ZNF385D: variants seen among roughly 807,000 people sequenced by gnomAD.
ZNF385D encodes zinc finger protein 659.
ZNF385D carries 15 observed loss-of-function variants against 35.8 expected under a neutral mutation model. The ratio of observed to expected loss-of-function variants is 0.42; its 90% CI spans 0.28 to 0.64. The LOEUF is 0.64. Ranked by LOEUF, ZNF385D falls within the 30% of genes least tolerant of loss-of-function variation. The probability of loss-of-function intolerance (pLI) is 0.23; values close to 1 mark genes in which losing one functional copy is unlikely to be tolerated. For missense variants in ZNF385D, 474 were observed against 494.6 expected (o/e 0.96, Z 0.39); for synonymous variants, 212 against 186.8 (o/e 1.13, Z -1.10).
chr3:21,779,809 G>T (rs2071422588), intron 3 of ZNF385D, among the ~76,000 whole-genome samples: 2 of 151,742 alleles, frequency 1.3e-5, no homozygotes, highest in Non-Finnish European at 2.9e-5. Context: ...GCTGAGTATG[G>T]CTTTAGATTT....
chr3:21,895,167 G>A (rs939265955), intron 3 of ZNF385D, among the ~76,000 whole-genome samples: 2 of 151,800 alleles, frequency 1.3e-5, no homozygotes, highest in African/African-American at 4.8e-5. Context: ...GGAAAATGAG[G>A]TATTTCTATT....
intron 3 of ZNF385D, among the ~76,000 whole-genome samples, chr3:21,513,399 C>T (rs1247504154): frequency 6.6e-6 from 1 of 151,868 alleles, no homozygotes; most frequent in Non-Finnish European, 1.5e-5. Context: ...TCTTAAAATG[C>T]AAAATGCAAA....
At chr3:22,153,512 G>A (rs919813051) in intron 3 of ZNF385D, among the ~76,000 whole-genome samples, 1 of 145,618 alleles carries the variant, frequency 6.9e-6, no homozygotes. Flanking sequence ...CACCCAGGCT[G>A]GAGTGCAGTG....
Position 21,608,041 on chromosome 3 carries a change from T to G in ZNF385D, c.166-43357A>C, listed in dbSNP as rs1407198538. Among the ~76,000 whole-genome samples, 6 of 150,074 alleles carry G rather than the reference T, an allele frequency of 4.0e-5. No homozygotes were observed. The East Asian group carries it at 1.2e-3, about 29-fold the overall frequency. ...TTTTTTTGTTTTTTTTTTTTGAGTC[T>G]TGCTGTCGCCCAGACAGGAGTGCAG... On this transcript the variant is annotated intron_variant, in intron 2 of 7. Coordinates refer to ENST00000281523, the MANE Select transcript of ZNF385D (RefSeq NM_024697.3).
chr3:21,504,071 A>G (rs989726544), intron 4 of ZNF385D, among the ~76,000 whole-genome samples: 1 of 152,152 alleles, frequency 6.6e-6, no homozygotes, highest in Non-Finnish European at 1.5e-5. Context: ...TACATTTGCA[A>G]TTCAGTGAGA....
chr3:22,097,110 G>T (rs1452453700), intron 3 of ZNF385D, among the ~76,000 whole-genome samples: 1 of 151,666 alleles, frequency 6.6e-6, no homozygotes. Context: ...TCCATCTTCA[G>T]CTAAGCAACA....
chr3:21,699,743 G>T (rs1378248022), intron 1 of ZNF385D, among the ~76,000 whole-genome samples: 1 of 147,774 alleles, frequency 6.8e-6, no homozygotes, highest in Admixed American at 6.8e-5. Context: ...TCCTTGTTTT[G>T]CTTATTTCAA....
At chr3:21,657,097 G>A (rs539316749) in intron 2 of ZNF385D, among the ~76,000 whole-genome samples, 14 of 151,710 alleles carry the variant, frequency 9.2e-5, no homozygotes, top group African/African-American at 3.4e-4. Flanking sequence ...ATTATGCCTC[G>A]ATCTTTAATG....
At chr3:21,833,127 T>C (rs1695107229) in intron 3 of ZNF385D, among the ~76,000 whole-genome samples, 1 of 152,106 alleles carries the variant, frequency 6.6e-6, no homozygotes, top group Non-Finnish European at 1.5e-5. Context: ...AGATACTGTG[T>C]TGTGTTGGGT....
chr3:22,112,628 C>T (rs140183227), intron 3 of ZNF385D, among the ~76,000 whole-genome samples: 11 of 152,068 alleles, frequency 7.2e-5, no homozygotes, highest in African/African-American at 2.2e-4. Context: ...TATTCTAATT[C>T]TTTATAGATA....
chr3:21,782,496 CA>C (rs1194919684), intron 3 of ZNF385D, among the ~76,000 whole-genome samples: 12 of 152,070 alleles, frequency 7.9e-5, no homozygotes, highest in African/African-American at 1.2e-4. Context: ...AGAATTTGAT[CA>C]TTTTAATTGT....
At chr3:21,659,400 G>A (rs1457196260) in intron 2 of ZNF385D, among the ~76,000 whole-genome samples, 1 of 152,060 alleles carries the variant, frequency 6.6e-6, no homozygotes, top group Non-Finnish European at 1.5e-5. Context: ...CAACATTTTT[G>A]AGATCATGAC....
At chr3:21,714,896 C>G (rs191153717) in intron 1 of ZNF385D, among the ~76,000 whole-genome samples, 130 of 152,236 alleles carry the variant, frequency 8.5e-4, no homozygotes, top group Middle Eastern at 6.8e-3. Context: ...AAAATGGTTA[C>G]TAAAATGTAA....
intron 2 of ZNF385D, among the ~76,000 whole-genome samples, chr3:22,345,435 A>G (rs192083891): frequency 6.6e-6 from 1 of 152,348 alleles, no homozygotes; most frequent in Non-Finnish European, 1.5e-5. Flanking sequence ...CAAAAACTTC[A>G]CATTCCTTTA....
chr3:21,974,251 G>T (rs1300117234), intron 3 of ZNF385D, among the ~76,000 whole-genome samples: 1 of 151,938 alleles, frequency 6.6e-6, no homozygotes, highest in Non-Finnish European at 1.5e-5. Context: ...ACAGAATAGA[G>T]AACCCAGAAA....
intron 3 of ZNF385D, among the ~76,000 whole-genome samples, chr3:21,818,379 CCT>C (rs1470939490): frequency 2.0e-5 from 3 of 152,094 alleles, no homozygotes; most frequent in Admixed American, 6.6e-5. Context: ...CATCTTTTCC[CCT>C]GTTTGCAACT....
chr3:21,783,770 G>T (rs1290591401), intron 3 of ZNF385D, among the ~76,000 whole-genome samples: 1 of 152,140 alleles, frequency 6.6e-6, no homozygotes, highest in Non-Finnish European at 1.5e-5. Context: ...TAAAATAGCA[G>T]CTTCAGGCAA....
chr3:21,579,138 G>A (rs896517923), intron 2 of ZNF385D: 1 of 152,120 alleles, frequency 6.6e-6, no homozygotes, highest in Non-Finnish European at 1.5e-5. Context: ...GTTTCTCGAT[G>A]TTTATGACTG....
Position 21,425,600 on chromosome 3 carries a change from T to C in ZNF385D, c.744A>G (p.Gly248=). ...SGTIKAFPRA[G]VKGKGPVNKG... ...TATTAACAGGTCCTTTGCCTTTCAC[T>C]CCTGCCCTAGGAAAGGCTTTGATAG... The change falls in exon 6 of 8, where the codon GGA becomes GGG. Residue 248 remains glycine (G), a synonymous_variant. Transcript: ENST00000281523. 1 of 1,607,888 alleles carries C rather than the reference T, an allele frequency of 6.2e-7. No homozygotes were observed. The highest frequency in any genetic ancestry group is 8.5e-7 in the Non-Finnish European group (1 of 1,176,860).
Sources: gnomAD v4.1 joint callset for allele counts (sites outside exome capture counted in the v4.1 genomes callset) on GRCh38, gnomAD v4.1.1 for gene constraint, MANE v1.5 for transcripts, NCBI Gene and HGNC (gene_info 2026-07-23, HGNC 2026-07-21) for gene names.